Variants in ADAMTS16 observed in about 807,000 individuals in gnomAD.
The protein encoded by ADAMTS16 is ADAM metallopeptidase with thrombospondin type 1 motif 16.
In ADAMTS16, 94 loss-of-function variants were observed where a neutral mutation model predicts 145.8. The ratio of observed to expected loss-of-function variants is 0.64; its 90% CI spans 0.55 to 0.77. The LOEUF (loss-of-function observed/expected upper bound fraction) is 0.77. Among genes scored for constraint, ADAMTS16 ranks in the 30% least tolerant of loss-of-function variants. The probability of loss-of-function intolerance (pLI) is 0.00; values close to 1 mark genes in which losing one functional copy is unlikely to be tolerated. For synonymous variants in ADAMTS16, 659 were observed against 604.3 expected, an observed-to-expected ratio of 1.09 and a Z score of -1.33; for missense variants, 1,585 against 1,591.5, an observed-to-expected ratio of 1.00 and a Z score of 0.07.
intron 9 of ADAMTS16, among the ~76,000 whole-genome samples, chr5:5,204,332 G>A (rs979311176): frequency 1.3e-5 from 2 of 152,020 alleles, no homozygotes; most frequent in Non-Finnish European, 2.9e-5. Flanking sequence ...TTTTGTTTTG[G>A]TACGAAATAT....
intron 18 of ADAMTS16, among the ~76,000 whole-genome samples, chr5:5,274,300 C>G (rs1239156810): frequency 6.6e-6 from 1 of 152,162 alleles, no homozygotes; most frequent in Non-Finnish European, 1.5e-5. Context: ...CATCAATCCA[C>G]CATGATAGTA....
rs149140302 is a variant in ADAMTS16, at chr5:5,147,550, AATTTGAT to A, written c.501+1098_501+1104del. 3.0e-4 allele frequency among the ~76,000 whole-genome samples: 46 copies of A among 152,288 alleles called. No individual in the cohort carries two copies. In the East Asian group the frequency reaches 8.9e-3, roughly 29 times the overall value. On this transcript the variant is annotated intron_variant, in intron 3 of 22. Transcript: ENST00000274181. ...ATGTTAACATTCTGCTTTTTAGAGA[AATTTGAT>A]ATGAGTTGATCTCATTGCTATTTCA...
intron 10 of ADAMTS16, among the ~76,000 whole-genome samples, chr5:5,220,318 CCTGGCT>C (rs1736562748): frequency 6.7e-6 from 1 of 150,132 alleles, no homozygotes; most frequent in African/African-American, 2.4e-5. Context: ...CGCCACCACG[CCTGGCT>C]AATTTTTTAT....
intron 12 of ADAMTS16, among the ~76,000 whole-genome samples, chr5:5,233,389 A>G (rs1323241201): frequency 6.6e-6 from 1 of 152,210 alleles, no homozygotes; most frequent in African/African-American, 2.4e-5. Flanking sequence ...TTTGTTACAT[A>G]AGCAAACTTG....
chr5:5,272,713 C>T (rs962550966), intron 18 of ADAMTS16, among the ~76,000 whole-genome samples: 1 of 152,136 alleles, frequency 6.6e-6, no homozygotes, highest in African/African-American at 2.4e-5. Flanking sequence ...TGCACTGGGG[C>T]CCACGAACGG....
intron 18 of ADAMTS16, among the ~76,000 whole-genome samples, chr5:5,289,415 G>A (rs1739218804): frequency 6.6e-6 from 1 of 152,202 alleles, no homozygotes; most frequent in African/African-American, 2.4e-5. Context: ...GCTTTAATAT[G>A]TGGGCTTGTT....
intron 21 of ADAMTS16, among the ~76,000 whole-genome samples, chr5:5,315,736 C>T (rs928192363): frequency 7.2e-5 from 11 of 152,128 alleles, no homozygotes; most frequent in African/African-American, 1.2e-4. Context: ...CAGAATGTTC[C>T]GAAAGATGTA....
intron 3 of ADAMTS16, among the ~76,000 whole-genome samples, chr5:5,171,442 T>C (rs1341065556): frequency 1.3e-5 from 2 of 152,192 alleles, no homozygotes; most frequent in African/African-American, 4.8e-5. Flanking sequence ...CTGAGGTATG[T>C]TCCTTCTATA....
At chr5:5,239,640 C>A in intron 15 of ADAMTS16, 41 bp from the exon 16 acceptor site, 4 of 1,604,328 alleles carry the variant, frequency 2.5e-6, no homozygotes, top group Non-Finnish European at 3.4e-6. Flanking sequence ...CCCCTGCTTT[C>A]TGGAATGAAA....
At chr5:5,248,996 T>C (rs540995724) in intron 17 of ADAMTS16, among the ~76,000 whole-genome samples, 1 of 152,202 alleles carries the variant, frequency 6.6e-6, no homozygotes, top group Non-Finnish European at 1.5e-5. Context: ...TTGGGAGAGA[T>C]TGGCTTACAT....
chr5:5,229,799 G>C (rs113413232), intron 11 of ADAMTS16, among the ~76,000 whole-genome samples: 2 of 152,176 alleles, frequency 1.3e-5, no homozygotes, highest in African/African-American at 2.4e-5. Flanking sequence ...TTTCTTAAAA[G>C]AAGTAATCCA....
At chr5:5,215,870 G>GTATATATATATATA (rs55703329) in intron 10 of ADAMTS16, among the ~76,000 whole-genome samples, 13 of 101,606 alleles carry the variant, frequency 1.3e-4, no homozygotes, top group Non-Finnish European at 1.6e-4. Context: ...GTGTGTATGT[G>GTATATATATATATA]TATATATATA....
At chr5:5,307,928 T>C (rs898668116) in intron 21 of ADAMTS16, among the ~76,000 whole-genome samples, 1 of 152,168 alleles carries the variant, frequency 6.6e-6, no homozygotes, top group South Asian at 2.1e-4. Context: ...AGAGGTTGCA[T>C]TTCCTGGGCG....
rs566941502 is a variant in ADAMTS16 at position 5,232,941 on chromosome 5, G to A, written c.1850+425G>A. Among the ~76,000 whole-genome samples the A allele has an allele frequency of 4.6e-5, 7 of 152,028 alleles. No individual in the cohort carries two copies. In the South Asian group the frequency reaches 6.2e-4, roughly 14 times the overall value. On this transcript the variant is annotated intron_variant, in intron 12 of 22. Coordinates refer to ENST00000274181, the MANE Select transcript of ADAMTS16 (RefSeq NM_139056.4). ...GCAAGCCTGTACTGTACATATAATC[G>A]TAAGAAGCACTGAATAGGAAAGGTA...
intron 3 of ADAMTS16, among the ~76,000 whole-genome samples, chr5:5,147,819 C>A (rs1317167034): frequency 6.6e-6 from 1 of 152,184 alleles, no homozygotes; most frequent in African/African-American, 2.4e-5. Flanking sequence ...GCGAGGTGTG[C>A]CTTGCCCTTT....
At chr5:5,211,886 C>T (rs1422783476) in intron 10 of ADAMTS16, among the ~76,000 whole-genome samples, 1 of 151,890 alleles carries the variant, frequency 6.6e-6, no homozygotes, top group Non-Finnish European at 1.5e-5. Flanking sequence ...TTTCTAATTT[C>T]ATAATTTTGT....
intron 3 of ADAMTS16, among the ~76,000 whole-genome samples, chr5:5,151,720 G>A (rs1036829140): frequency 1.5e-5 from 2 of 133,034 alleles, no homozygotes; most frequent in African/African-American, 2.8e-5. Context: ...GTGTGTGTGT[G>A]TGTGTATGTG....
intron 21 of ADAMTS16, among the ~76,000 whole-genome samples, chr5:5,314,231 A>G (rs1346974862): frequency 6.6e-6 from 1 of 152,202 alleles, no homozygotes; most frequent in Non-Finnish European, 1.5e-5. Flanking sequence ...AGGTGAATAA[A>G]GAGAGGGACT....
rs958775906 is a variant in ADAMTS16, at chr5:5,273,082, C to T, written c.2789+10299C>T. 3.3e-5 allele frequency among the ~76,000 whole-genome samples: 5 copies of T among 152,244 alleles called. No homozygotes were observed. In the South Asian group the frequency reaches 8.3e-4, roughly 25 times the overall value. ...GAGAGAGAGCCCAGTGGGGTGGACA[C>T]GGGACTGTGTGTCTCACCCACAGAA... On this transcript the variant is annotated intron_variant, in intron 18 of 22. Coordinates refer to ENST00000274181, the MANE Select transcript of ADAMTS16 (RefSeq NM_139056.4).
Sources: gnomAD v4.1 joint callset for allele counts (sites outside exome capture counted in the v4.1 genomes callset) on GRCh38, gnomAD v4.1.1 for gene constraint, MANE v1.5 for transcripts, NCBI Gene and HGNC (gene_info 2026-07-23, HGNC 2026-07-21) for gene names.